Variants in ZNF385D observed in about 807,000 individuals in gnomAD.
ZNF385D encodes the protein zinc finger protein 659.
In ZNF385D, 15 loss-of-function variants were observed where a neutral mutation model predicts 35.8. The ratio of observed to expected loss-of-function variants is 0.42; its 90% CI spans 0.28 to 0.64. ZNF385D has a LOEUF of 0.64. Ranked by LOEUF, ZNF385D falls within the 30% of genes least tolerant of loss-of-function variation. The pLI is 0.23. For missense variants in ZNF385D, 474 were observed against 494.6 expected (o/e 0.96, Z 0.39); for synonymous variants, 212 against 186.8 (o/e 1.13, Z -1.10).
At chr3:22,136,449 C>T (rs779289311) in intron 3 of ZNF385D, among the ~76,000 whole-genome samples, 4 of 150,174 alleles carry the variant, frequency 2.7e-5, no homozygotes, top group Non-Finnish European at 4.4e-5. Context: ...CTCAGTTAAA[C>T]ACATTGCTAA....
intron 1 of ZNF385D, among the ~76,000 whole-genome samples, chr3:21,693,853 G>C (rs2067366598): frequency 6.6e-6 from 1 of 150,432 alleles, no homozygotes; most frequent in South Asian, 2.1e-4. Flanking sequence ...TAAAACTTTA[G>C]GAAATCTTTT....
At chr3:21,969,584 G>T (rs1703120044) in intron 3 of ZNF385D, among the ~76,000 whole-genome samples, 1 of 152,146 alleles carries the variant, frequency 6.6e-6, no homozygotes, top group African/African-American at 2.4e-5. Context: ...TCCAGGCCCT[G>T]GTCCTGGATG....
chr3:21,774,776 G>A lies in ZNF385D; in HGVS notation c.326-109748C>T, dbSNP rs575099730. 2.6e-5 allele frequency among the ~76,000 whole-genome samples: 4 copies of A among 151,990 alleles called. No individual in the cohort carries two copies. In the Middle Eastern group the frequency reaches 0.01, roughly 388 times the overall value. ...CAGTTCAGTACCTGTCACTGAAATG[G>A]GTACTTAGAGAACTTTAAAGATGTC... On this transcript the variant is annotated intron_variant, in intron 3 of 5. Transcript: ENST00000494108.
At chr3:21,807,443 T>C (rs2072703269) in intron 3 of ZNF385D, among the ~76,000 whole-genome samples, 1 of 152,168 alleles carries the variant, frequency 6.6e-6, no homozygotes, top group South Asian at 2.1e-4. Context: ...TAGTTGTGAT[T>C]TGACTCGCCA....
chr3:21,712,595 T>G (rs1336629662), intron 1 of ZNF385D, among the ~76,000 whole-genome samples: 1 of 152,192 alleles, frequency 6.6e-6, no homozygotes, highest in African/African-American at 2.4e-5. Flanking sequence ...GTAAAATGAC[T>G]TGAGAAATTT....
chr3:22,202,557 C>A (rs912562149), intron 2 of ZNF385D, among the ~76,000 whole-genome samples: 5 of 152,098 alleles, frequency 3.3e-5, no homozygotes, highest in African/African-American at 9.7e-5. Context: ...GAACAACTTT[C>A]TGTACCAAAA....
At chr3:21,810,350 A>C (rs1352466870) in intron 3 of ZNF385D, among the ~76,000 whole-genome samples, 2 of 149,454 alleles carry the variant, frequency 1.3e-5, no homozygotes, top group Non-Finnish European at 3.0e-5. Context: ...AAAAAAAACT[A>C]TACATGTGTG....
chr3:22,040,706 A>T (rs914654441), intron 3 of ZNF385D, among the ~76,000 whole-genome samples: 1 of 152,262 alleles, frequency 6.6e-6, no homozygotes, highest in Admixed American at 6.5e-5. Context: ...CAGTTTAGGG[A>T]AACACAGAAA....
chr3:21,537,124 CTTTTT>C (rs35873199), intron 3 of ZNF385D, among the ~76,000 whole-genome samples: 1 of 95,008 alleles, frequency 1.1e-5, no homozygotes, highest in Non-Finnish European at 1.9e-5. Flanking sequence ...AAAATATCAA[CTTTTT>C]TTTTTTTTTT....
At chr3:22,025,931 A>C (rs1172533715) in intron 3 of ZNF385D, among the ~76,000 whole-genome samples, 1 of 152,152 alleles carries the variant, frequency 6.6e-6, no homozygotes, top group African/African-American at 2.4e-5. Context: ...TATATGAATA[A>C]TTGGATCTCA....
intron 3 of ZNF385D, among the ~76,000 whole-genome samples, chr3:21,810,697 T>A (rs1228171726): frequency 6.6e-6 from 1 of 152,006 alleles, no homozygotes; most frequent in Non-Finnish European, 1.5e-5. Flanking sequence ...AAAGTTTGAT[T>A]TTGGATCTGT....
chr3:22,236,731 C>T (rs925733224), intron 2 of ZNF385D, among the ~76,000 whole-genome samples: 3 of 152,090 alleles, frequency 2.0e-5, no homozygotes, highest in African/African-American at 7.2e-5. Flanking sequence ...GTCTAGCCCC[C>T]GGCAACTAGT....
rs192443321 is a variant in ZNF385D, at chr3:21,819,538, T to C, written c.326-154510A>G. Among the ~76,000 whole-genome samples, 156 of 150,348 alleles carry C rather than the reference T, an allele frequency of 1.0e-3. 1 individual carries two copies. Among genetic ancestry groups the C allele is most frequent in the African/African-American group, 3.7e-3 (152 of 41,282 alleles). On this transcript the variant is annotated intron_variant, in intron 3 of 5. Coordinates refer to the ZNF385D transcript ENST00000494108. ...TGGCTAAAAATGTTCTAAATAATAA[T>C]AGTCTTAATTTGCTAGGAAAATACA...
chr3:22,242,046 A>C (rs916535954), intron 2 of ZNF385D, among the ~76,000 whole-genome samples: 1 of 141,468 alleles, frequency 7.1e-6, no homozygotes, highest in Non-Finnish European at 1.5e-5. Flanking sequence ...GGACACAGGA[A>C]GGGGAACATC....
Position 21,773,227 on chromosome 3 carries a change from A to G in ZNF385D, c.326-108199T>C, listed in dbSNP as rs1009013427. On this transcript the variant is annotated intron_variant, in intron 3 of 5. Coordinates refer to the ZNF385D transcript ENST00000494108. ...AAATTTTGTTATAATGTATTTTAAC[A>G]CAACAAAAATAAAATTGGAAAGAGA... is the stretch of plus-strand genomic sequence containing the variant. Among the ~76,000 whole-genome samples the G allele has an allele frequency of 3.3e-5, 5 of 151,910 alleles. No individual in the cohort carries two copies. In the East Asian group the frequency reaches 9.7e-4, roughly 29 times the overall value.
chr3:21,451,058 G>A lies in ZNF385D; in HGVS notation c.440-13855C>T, dbSNP rs561090017. On this transcript the variant is annotated intron_variant, in intron 4 of 7. Coordinates refer to ENST00000281523, the MANE Select transcript of ZNF385D (RefSeq NM_024697.3). ...GGAAAGAGACAAGTAAGAGACACATGTCTTATTTCCCCTTTTAAGTTACAG... is the reference window on the plus strand; with the variant it reads ...GGAAAGAGACAAGTAAGAGACACATATCTTATTTCCCCTTTTAAGTTACAG... Among the ~76,000 whole-genome samples, 8 of 152,140 alleles carry A rather than the reference G, an allele frequency of 5.3e-5. No homozygotes were observed. In the East Asian group the frequency reaches 1.5e-3, roughly 29 times the overall value.
At chr3:22,186,134 C>T (rs1695614209) in intron 2 of ZNF385D, among the ~76,000 whole-genome samples, 1 of 152,098 alleles carries the variant, frequency 6.6e-6, no homozygotes, top group Non-Finnish European at 1.5e-5. Context: ...AGCAAGTTTA[C>T]TTCACGTAAT....
At chr3:21,632,872 G>A (rs1052707303) in intron 2 of ZNF385D, among the ~76,000 whole-genome samples, 1 of 152,064 alleles carries the variant, frequency 6.6e-6, no homozygotes, top group Admixed American at 6.6e-5. Flanking sequence ...ATGTATCTTA[G>A]TCAAATAACA....
chr3:21,473,728 T>C (rs904448648), intron 4 of ZNF385D, among the ~76,000 whole-genome samples: 3 of 152,106 alleles, frequency 2.0e-5, no homozygotes, highest in African/African-American at 7.2e-5. Context: ...TTGCATATAC[T>C]TTCTCCCTTG....
Sources: gnomAD v4.1 joint callset for allele counts (sites outside exome capture counted in the v4.1 genomes callset) on GRCh38, gnomAD v4.1.1 for gene constraint, MANE v1.5 for transcripts, NCBI Gene and HGNC (gene_info 2026-07-23, HGNC 2026-07-21) for gene names.